LILRB5: variants seen among roughly 807,000 people sequenced by gnomAD.
LILRB5 encodes the protein leukocyte immunoglobulin like receptor B5, also known as leukocyte immunoglobulin-like receptor subfamily B member 5.
In LILRB5, 61 loss-of-function variants were observed where a neutral mutation model predicts 68.4. That is an observed-to-expected ratio of 0.89 (90% CI 0.73 to 1.10). The LOEUF is 1.10. LILRB5 is among the 50% of genes least tolerant of loss of function. The pLI, the probability that LILRB5 is intolerant of heterozygous loss-of-function variation, is 0.00. For missense variants in LILRB5, 771 were observed against 751.6 expected (o/e 1.03, Z -0.30); for synonymous variants, 356 against 315.8 (o/e 1.13, Z -1.35).
In LILRB5 at chr19:54,254,018, C is replaced by T. The variant is rs1372527015; in HGVS notation, c.1357G>A (p.Gly453Ser). Residue 453 changes from glycine (G) to serine (S), a missense_variant and splice_region_variant, in exon 8 of 13, where the codon GGT becomes AGT. Physicochemically the swap from Gly to Ser is moderately conservative, Grantham distance 56. Transcript: ENST00000449561. ...CTCCCACTCAGAGCCCCTCACTCAC[C>T]ACTCTGGGGATCCAACCCCGTGGGG... ...LTPTGLDPQS[G>S]LGRHLGVVTG... The T allele has an allele frequency of 1.3e-6, 2 of 1,592,494 alleles. No individual in the cohort carries two copies. Among genetic ancestry groups the T allele is most frequent in the Admixed American group, 1.8e-5 (1 of 56,984 alleles).
In LILRB5 at chr19:54,252,562, G is replaced by A. The variant is rs1282336091; in HGVS notation, c.1475-13C>T. On this transcript the variant is annotated splice_polypyrimidine_tract_variant and intron_variant, in intron 9 of 12. Transcript: ENST00000449561. ...CGGTAGAAATGGGCTGGACAGAGAT[G>A]GACAGAGGGTCAGGCCTGGGAGAAT... is the stretch of plus-strand genomic sequence containing the variant. 6.2e-7 allele frequency: 1 copy of A among 1,613,582 alleles called. No individual in the cohort carries two copies. The highest frequency in any genetic ancestry group is 8.5e-7 in the Non-Finnish European group (1 of 1,179,886).
At position 54,252,098 on chromosome 19, in the gene LILRB5, C is replaced by G. The variant is rs375785511; in HGVS notation, c.1585G>C (p.Val529Leu). 3.7e-6 allele frequency: 6 copies of G among 1,613,956 alleles called. No homozygotes were observed. The African/African-American group carries it at 6.7e-5, about 18-fold the overall frequency. ...CCGTCCTTGGGCTGTGTGTCCTTCACGGCAGCATCTGCTGGGCCAGAGCAA... is the reference window on the plus strand; with the variant it reads ...CCGTCCTTGGGCTGTGTGTCCTTCAGGGCAGCATCTGCTGGGCCAGAGCAA... ...DIQEEILNAA[V>L]KDTQPKDGVE... Residue 529 changes from valine to leucine, a missense_variant, in exon 12 of 13, where the codon GTG becomes CTG. Physicochemically the swap from Val to Leu is conservative, Grantham distance 32. Coordinates refer to ENST00000449561, the MANE Select transcript of LILRB5 (RefSeq NM_001081442.3).
At position 54,250,850 on chromosome 19, in the gene LILRB5, G is replaced by A; in HGVS notation, c.1712C>T (p.Pro571Leu). 6.2e-7 allele frequency: 1 copy of A among 1,614,022 alleles called. No homozygotes were observed. The highest frequency in any genetic ancestry group is 8.5e-7 in the Non-Finnish European group (1 of 1,180,000). The change falls in exon 13 of 13, where the codon CCT becomes CTT. Residue 571 changes from proline to leucine, a missense_variant. Physicochemically the swap from Pro to Leu is moderately conservative, Grantham distance 98 (BLOSUM62 -3). Transcript: ENST00000449561. ...LTLRREATEP[P>L]PSQEREPPAE... is the part of the protein sequence containing the mutation. ...TGGAGGTTCCCTTTCCTGGGATGGAGGAGGCTCAGTTGCCTCCCGTCTGAG... is the reference window on the plus strand; with the variant it reads ...TGGAGGTTCCCTTTCCTGGGATGGAAGAGGCTCAGTTGCCTCCCGTCTGAG...
intron 5 of LILRB5, 58 bp downstream of exon 5, chr19:54,255,228 C>G: frequency 6.5e-7 from 1 of 1,538,698 alleles, no homozygotes; most frequent in Middle Eastern, 2.3e-4. Flanking sequence ...TAATTGGATT[C>G]CCCCGGCAGG....
chr19:54,254,382 C>G lies in LILRB5; in HGVS notation c.1289G>C (p.Gly430Ala), dbSNP rs568897572. Residue 430 changes from glycine to alanine, a missense_variant, in exon 7 of 13, where the codon GGC becomes GCC. Coordinates refer to ENST00000449561, the MANE Select transcript of LILRB5 (RefSeq NM_001081442.3). ...TGACTCACCAGGTGTGGGGGTGGAG[C>G]CTGTAGGTGAGAGGCTGGGATCCCC... ...PSGDPSLSPTGSTPTPAGPED... is the reference protein window; with the variant it reads ...PSGDPSLSPTASTPTPAGPED... 3.1e-4 allele frequency: 493 copies of G among 1,584,142 alleles called. 3 individuals are homozygous for G. The South Asian group carries it at 5.3e-3, about 17-fold the overall frequency.
At chr19:54,255,866 G>A in intron 4 of LILRB5, 177 bp downstream of exon 4, 1 of 660,014 alleles carries the variant, frequency 1.5e-6, no homozygotes. Context: ...TTCCAGGTGA[G>A]GGTGACTCAG....
intron 7 of LILRB5, 144 bp downstream of exon 7, chr19:54,254,221 T>C (rs2079047078): frequency 3.4e-6 from 5 of 1,450,022 alleles, no homozygotes; most frequent in Non-Finnish European, 4.6e-6. Flanking sequence ...CCGGGGAGCC[T>C]GTGGCCCCTC....
chr19:54,253,690 G>A, intron 8 of LILRB5: 4 of 819,656 alleles, frequency 4.9e-6, no homozygotes, highest in Non-Finnish European at 7.8e-6. Flanking sequence ...GAGCTGGGAA[G>A]TGAACCCAGG....
rs762739314 is a variant in LILRB5, at chr19:54,252,996, T to C, written c.1358-9A>G. 9.1e-6 allele frequency: 14 copies of C among 1,534,668 alleles called. No homozygotes were observed. The Admixed American group carries it at 2.3e-4, about 25-fold the overall frequency. On this transcript the variant is annotated splice_polypyrimidine_tract_variant and intron_variant, in intron 8 of 12. Coordinates refer to ENST00000449561, the MANE Select transcript of LILRB5 (RefSeq NM_001081442.3). ...CAGGTGCCTTCCCAGACCTTGAGCG[T>C]GATGACGTTGGGAATGGGGATGACG...
chr19:54,254,330 C>T (rs760806615), intron 7 of LILRB5, 35 bp downstream of exon 7: 119 of 1,551,484 alleles, frequency 7.7e-5, no homozygotes, highest in African/African-American at 1.1e-4. Flanking sequence ...GGGGAGACCA[C>T]GCTCCCTCCG....
At chr19:54,253,634 T>A in intron 8 of LILRB5, 1 of 550,306 alleles carries the variant, frequency 1.8e-6, no homozygotes, top group South Asian at 2.1e-5. Context: ...TGAAACTGAG[T>A]CAGAGTAGAA....
At chr19:54,253,746 G>A in intron 8 of LILRB5, 1 of 1,224,144 alleles carries the variant, frequency 8.2e-7, no homozygotes, top group Non-Finnish European at 1.2e-6. Context: ...CGGAGCCCCG[G>A]AGCTGCAGGG....
At position 54,250,589 on chromosome 19, in the gene LILRB5, A is replaced by T. The variant is rs2078908908; in HGVS notation, c.*197T>A. On this transcript the variant is annotated 3_prime_UTR_variant, in exon 13 of 13. Coordinates refer to ENST00000449561, the MANE Select transcript of LILRB5 (RefSeq NM_001081442.3). ...GATTTATTGAGAAGTCTGTGGCTTC[A>T]TTTCAAAAATGCAAGGATATTAGTC... 4.8e-6 allele frequency: 3 copies of T among 624,002 alleles called. No homozygotes were observed. The highest frequency in any genetic ancestry group is 6.2e-5 in the Admixed American group (2 of 32,100). The allele number at this position is 624,002 out of a possible 1,614,324, so 38.7% of individuals were successfully genotyped here.
At position 54,249,693 on chromosome 19, in the gene LILRB5, GA is replaced by G. The variant is rs1259667760; in HGVS notation, c.*1092del. The G allele has an allele frequency of 6.6e-6, 1 of 152,214 alleles. No homozygotes were observed. The highest frequency in any genetic ancestry group is 1.5e-5 in the Non-Finnish European group (1 of 68,050). The allele number at this position is 152,214 out of a possible 1,614,324, so 9.4% of individuals were successfully genotyped here. A position where few individuals can be genotyped will look rare whatever the true frequency, so the allele number is the denominator to read the frequency against. ...GAGGTGAGTAGCTGAACATTTTATA[GA>G]GATGAGGAGAGACTAACTAAGGACT... On this transcript the variant is annotated 3_prime_UTR_variant, in exon 13 of 13. Coordinates refer to ENST00000449561, the MANE Select transcript of LILRB5 (RefSeq NM_001081442.3).
chr19:54,250,690 G>C lies in LILRB5; in HGVS notation c.*96C>G. ...TGGTCTTTGTTAGGGGTCCAGGCTG[G>C]CTGGGGTTCATTGGTGTCCACTGGG... On this transcript the variant is annotated 3_prime_UTR_variant, in exon 13 of 13. Transcript: ENST00000449561. 2 of 1,509,566 alleles carry C rather than the reference G, an allele frequency of 1.3e-6. No homozygotes were observed. Among genetic ancestry groups the C allele is most frequent in the Non-Finnish European group, 1.8e-6 (2 of 1,102,766 alleles). The allele number at this position is 1,509,566 out of a possible 1,614,324, so 93.5% of individuals were successfully genotyped here.
intron 6 of LILRB5, 95 bp from the exon 7 acceptor site, chr19:54,254,510 C>T: frequency 1.4e-6 from 2 of 1,416,640 alleles, no homozygotes; most frequent in South Asian, 2.6e-5. Flanking sequence ...AAACTTTCTT[C>T]TGCTCACCTT....
chr19:54,255,301 C>A lies in LILRB5; in HGVS notation c.937G>T (p.Asp313Tyr). The change falls in exon 5 of 13, where the codon GAC (aspartate) becomes TAC (tyrosine). Residue 313 changes from aspartate (D) to tyrosine (Y), a missense_variant. Asp to Tyr is a radical substitution (Grantham distance 160, BLOSUM62 -3). Transcript: ENST00000449561. Reference sequence around the variant, plus strand: ...GGCTCCTCACCTGCGATCAGGATGTCCAGGGGGTCGCTGGGGGCCGACCAC... The same window carrying A: ...GGCTCCTCACCTGCGATCAGGATGTACAGGGGGTCGCTGGGGGCCGACCAC... ...PRWSAPSDPL[D>Y]ILIAGLIPDI... 1 of 1,613,352 alleles carries A rather than the reference C, an allele frequency of 6.2e-7. No individual in the cohort carries two copies. Among genetic ancestry groups the A allele is most frequent in the Non-Finnish European group, 8.5e-7 (1 of 1,179,834 alleles).
At position 54,254,372 on chromosome 19, in the gene LILRB5, G is replaced by C; in HGVS notation, c.1299C>G (p.Pro433=). 1 of 1,581,300 alleles carries C rather than the reference G, an allele frequency of 6.3e-7. No homozygotes were observed. The highest frequency in any genetic ancestry group is 1.2e-5 in the South Asian group (1 of 86,194). The change falls in exon 7 of 13, where the codon CCC becomes CCG. Residue 433 remains proline (P), a synonymous_variant. Coordinates refer to ENST00000449561, the MANE Select transcript of LILRB5 (RefSeq NM_001081442.3). ...GAGGCCTCAGTGACTCACCAGGTGT[G>C]GGGGTGGAGCCTGTAGGTGAGAGGC... ...DPSLSPTGST[P]TPAGPEDQPL...
rs998724882 is a variant in LILRB5, at chr19:54,256,547, G to A, written c.297C>T (p.Tyr99=). Reference sequence around the variant, plus strand: ...CTGACCAGCCTGCAGGGGTCTCATAGTAGCAGCGGTATCGCCCTGCACTGT... The same window carrying A: ...CTGACCAGCCTGCAGGGGTCTCATAATAGCAGCGGTATCGCCCTGCACTGT... ...VYDSAGRYRC[Y]YETPAGWSEP... is the part of the protein sequence containing the mutation. The change falls in exon 3 of 13, where the codon TAC becomes TAT. Residue 99 remains tyrosine (Y), a synonymous_variant. Transcript: ENST00000449561. The A allele has an allele frequency of 1.1e-5, 18 of 1,614,038 alleles. No homozygotes were observed. The highest frequency in any genetic ancestry group is 1.4e-5 in the Non-Finnish European group (17 of 1,180,010).
Sources: allele counts gnomAD v4.1 joint callset, GRCh38; gene constraint gnomAD v4.1.1; transcripts MANE v1.5; gene names NCBI Gene and HGNC (gene_info 2026-07-23, HGNC 2026-07-21).